Variants in RIMS2 observed in about 807,000 individuals in gnomAD.
The protein encoded by RIMS2 is regulating synaptic membrane exocytosis 2.
In RIMS2, 59 loss-of-function variants were observed where a neutral mutation model predicts 174.4. That is an observed-to-expected ratio of 0.34 (90% CI 0.27 to 0.42). RIMS2 has a LOEUF of 0.42. Ranked by LOEUF, RIMS2 falls within the 10% of genes least tolerant of loss-of-function variation. RIMS2 has a pLI of 1.00. For synonymous variants in RIMS2, 606 were observed against 572.5 expected (o/e 1.06, Z -0.84); for missense variants, 1,620 against 1,666.3 (o/e 0.97, Z 0.48).
intron 4 of RIMS2, among the ~76,000 whole-genome samples, chr8:103,901,008 T>C (rs995744349): frequency 6.6e-6 from 1 of 152,120 alleles, no homozygotes; most frequent in African/African-American, 2.4e-5. Flanking sequence ...TCCTTAGCAA[T>C]GTGTATCCAT....
intron 1 of RIMS2, among the ~76,000 whole-genome samples, chr8:103,691,112 G>C (rs1019472031): frequency 2.6e-5 from 4 of 151,980 alleles, no homozygotes; most frequent in Non-Finnish European, 5.9e-5. Context: ...GCTGCTTTTG[G>C]GATTCTTTCT....
At chr8:104,226,633 G>A (rs2441792) in intron 19 of RIMS2, among the ~76,000 whole-genome samples, 28,442 of 152,112 alleles carry the variant, frequency 0.19, 2,910 homozygotes, top group Non-Finnish European at 0.23. Flanking sequence ...TGTTAGGAGG[G>A]TAAAGGGCAG....
intron 19 of RIMS2, among the ~76,000 whole-genome samples, chr8:104,240,986 T>A (rs2099288293): frequency 6.6e-6 from 1 of 152,058 alleles, no homozygotes; most frequent in Non-Finnish European, 1.5e-5. Flanking sequence ...GGAAACTGAG[T>A]CACAGAGAGG....
intron 2 of RIMS2, among the ~76,000 whole-genome samples, chr8:103,739,620 A>G (rs2097734941): frequency 6.6e-6 from 1 of 152,204 alleles, no homozygotes; most frequent in African/African-American, 2.4e-5. Flanking sequence ...GCTGCAACAG[A>G]CCTGGTGATT....
At chr8:104,207,825 T>A (rs1329656475) in intron 19 of RIMS2, among the ~76,000 whole-genome samples, 1 of 149,138 alleles carries the variant, frequency 6.7e-6, no homozygotes, top group Non-Finnish European at 1.5e-5. Context: ...AAAAAATATA[T>A]ATATATGTAT....
At chr8:103,517,809 A>G (rs906080748) in intron 1 of RIMS2, among the ~76,000 whole-genome samples, 6 of 152,080 alleles carry the variant, frequency 3.9e-5, no homozygotes, top group African/African-American at 1.4e-4. Flanking sequence ...TGTGGAAAAC[A>G]CTAACAGCTA....
chr8:104,096,389 G>T (rs2097763438), intron 19 of RIMS2, among the ~76,000 whole-genome samples: 1 of 152,130 alleles, frequency 6.6e-6, no homozygotes, highest in Non-Finnish European at 1.5e-5. Flanking sequence ...CAAAAAAAGA[G>T]CACATTATTT....
At chr8:103,597,171 AAG>A (rs1273672182) in intron 1 of RIMS2, among the ~76,000 whole-genome samples, 2 of 152,148 alleles carry the variant, frequency 1.3e-5, no homozygotes, top group African/African-American at 4.8e-5. Context: ...ATTGGTAGAA[AAG>A]AAGTGCTAAT....
At chr8:103,757,037 G>GAGAA (rs1408186609) in intron 2 of RIMS2, among the ~76,000 whole-genome samples, 5 of 148,948 alleles carry the variant, frequency 3.4e-5, no homozygotes, top group African/African-American at 1.3e-4. Flanking sequence ...GAGAGAGAGA[G>GAGAA]ATACAGAGAG....
intron 19 of RIMS2, among the ~76,000 whole-genome samples, chr8:104,104,351 A>G (rs1459270123): frequency 6.6e-6 from 1 of 152,208 alleles, no homozygotes; most frequent in African/African-American, 2.4e-5. Flanking sequence ...TCTCACTAGC[A>G]CTGAGATAGG....
intron 11 of RIMS2, among the ~76,000 whole-genome samples, chr8:103,928,744 T>G (rs2079276026): frequency 6.6e-6 from 1 of 151,328 alleles, no homozygotes; most frequent in South Asian, 2.1e-4. Flanking sequence ...TTAAAAATAG[T>G]TACATGCTAA....
chr8:104,224,654 T>A (rs1015931356), intron 19 of RIMS2, among the ~76,000 whole-genome samples: 7 of 152,226 alleles, frequency 4.6e-5, no homozygotes, highest in African/African-American at 1.7e-4. Context: ...TTTTTGTAAA[T>A]AACAGGGTTG....
intron 1 of RIMS2, chr8:103,559,015 G>A (rs934109474): frequency 2.7e-5 from 4 of 148,800 alleles, no homozygotes; most frequent in Non-Finnish European, 4.4e-5. Context: ...GATGGAAATG[G>A]AGAGTAAATA....
At chr8:103,814,851 A>C (rs982691613) in intron 3 of RIMS2, among the ~76,000 whole-genome samples, 2 of 152,194 alleles carry the variant, frequency 1.3e-5, no homozygotes, top group African/African-American at 2.4e-5. Flanking sequence ...TCTGTCTCAA[A>C]ATATCTATAT....
At chr8:103,870,417 T>TA (rs1422848123) in intron 3 of RIMS2, among the ~76,000 whole-genome samples, 9 of 150,926 alleles carry the variant, frequency 6.0e-5, no homozygotes, top group East Asian at 3.9e-4. Flanking sequence ...ACTGCAATAA[T>TA]AAAAAAAATT....
intron 19 of RIMS2, among the ~76,000 whole-genome samples, chr8:104,235,371 G>A (rs2099252836): frequency 6.6e-6 from 1 of 152,020 alleles, no homozygotes; most frequent in East Asian, 1.9e-4. Context: ...TGTGAATTGG[G>A]CACTTTCCTC....
intron 1 of RIMS2, among the ~76,000 whole-genome samples, chr8:103,636,829 T>G (rs543105615): frequency 8.7e-6 from 1 of 115,580 alleles, no homozygotes; most frequent in South Asian, 3.1e-4. Context: ...AATCTGCGTT[T>G]TGGGGAGGCA....
intron 1 of RIMS2, among the ~76,000 whole-genome samples, chr8:103,649,086 C>T (rs1266747620): frequency 6.6e-6 from 1 of 152,088 alleles, no homozygotes; most frequent in Non-Finnish European, 1.5e-5. Flanking sequence ...AATTGTTTTT[C>T]TTTTCCATAT....
intron 19 of RIMS2, among the ~76,000 whole-genome samples, chr8:104,159,879 C>T (rs1380638995): frequency 1.3e-5 from 2 of 152,082 alleles, no homozygotes; most frequent in Non-Finnish European, 2.9e-5. Context: ...TGGCTCATGC[C>T]TGGAATCCCA....
Sources: gnomAD v4.1 joint callset for allele counts (sites outside exome capture counted in the v4.1 genomes callset) on GRCh38, gnomAD v4.1.1 for gene constraint, MANE v1.5 for transcripts, NCBI Gene and HGNC (gene_info 2026-07-23, HGNC 2026-07-21) for gene names.